CNTN5: variants seen among roughly 807,000 people sequenced by gnomAD.
The protein encoded by CNTN5 is contactin 5, also known as contactin-5.
A neutral mutation model predicts 129.1 loss-of-function variants in CNTN5; 77 were observed. The ratio of observed to expected loss-of-function variants is 0.60; its 90% CI spans 0.50 to 0.72. The LOEUF (loss-of-function observed/expected upper bound fraction) is 0.72. Among genes scored for constraint, CNTN5 ranks in the 30% least tolerant of loss-of-function variants. The probability of loss-of-function intolerance (pLI) is 0.00; values close to 1 mark genes in which losing one functional copy is unlikely to be tolerated. For synonymous variants in CNTN5, 509 were observed against 465.6 expected (o/e 1.09, Z -1.20); for missense variants, 1,478 against 1,328.8 (o/e 1.11, Z -1.75).
intron 2 of CNTN5, among the ~76,000 whole-genome samples, chr11:99,439,902 T>C (rs777278457): frequency 1.3e-5 from 2 of 152,092 alleles, no homozygotes; most frequent in Non-Finnish European, 2.9e-5. Context: ...ATTTAAAATA[T>C]ACATAAAACA....
chr11:99,474,178 A>G (rs1220980132), intron 2 of CNTN5, among the ~76,000 whole-genome samples: 2 of 151,816 alleles, frequency 1.3e-5, no homozygotes, highest in African/African-American at 4.8e-5. Context: ...TATATAAAAA[A>G]TACTGTATTG....
At chr11:99,569,833 T>C (rs7933077) in intron 3 of CNTN5, among the ~76,000 whole-genome samples, 3 of 152,052 alleles carry the variant, frequency 2.0e-5, no homozygotes, top group African/African-American at 7.3e-5. Context: ...AATTTTACAT[T>C]CTCCAAATCT....
At chr11:99,657,397 C>T (rs649045) in intron 3 of CNTN5, among the ~76,000 whole-genome samples, 147,987 of 152,124 alleles carry the variant, frequency 0.97, 72,112 homozygotes, top group East Asian at 1. Context: ...GTCTAAGGAC[C>T]GGAAGTACAC....
chr11:99,768,365 A>G (rs1185853428), intron 3 of CNTN5, among the ~76,000 whole-genome samples: 1 of 152,128 alleles, frequency 6.6e-6, no homozygotes, highest in Non-Finnish European at 1.5e-5. Flanking sequence ...ACATCGTCCT[A>G]TATCTCCTAC....
At chr11:99,746,044 T>A (rs1944045774) in intron 3 of CNTN5, among the ~76,000 whole-genome samples, 1 of 152,206 alleles carries the variant, frequency 6.6e-6, no homozygotes, top group Non-Finnish European at 1.5e-5. Context: ...TTGGCTCTTT[T>A]AAGATCAGAT....
chr11:99,381,503 C>T (rs1940559397), intron 2 of CNTN5, among the ~76,000 whole-genome samples: 1 of 151,918 alleles, frequency 6.6e-6, no homozygotes, highest in South Asian at 2.1e-4. Flanking sequence ...GCCTTATAAG[C>T]CATGTTAAGA....
intron 21 of CNTN5, chr11:100,337,023 C>T (rs1022405021): frequency 5.7e-6 from 5 of 882,706 alleles, no homozygotes; most frequent in Non-Finnish European, 9.6e-6. Flanking sequence ...TGCTTTCTGC[C>T]ACTTTGATTG....
intron 13 of CNTN5, among the ~76,000 whole-genome samples, chr11:100,078,819 G>A (rs1314787908): frequency 1.3e-5 from 2 of 151,986 alleles, no homozygotes; most frequent in Admixed American, 1.3e-4. Flanking sequence ...TGGTGGTGGT[G>A]GTAATGGTGA....
At chr11:99,523,663 T>G (rs10750311) in intron 2 of CNTN5, among the ~76,000 whole-genome samples, 2 of 132,670 alleles carry the variant, frequency 1.5e-5, no homozygotes, top group African/African-American at 2.8e-5. Context: ...ACAGAACAGA[T>G]CAGAACAGAA....
chr11:99,581,755 C>G (rs1402118191), intron 3 of CNTN5, among the ~76,000 whole-genome samples: 1 of 152,158 alleles, frequency 6.6e-6, no homozygotes, highest in Admixed American at 6.5e-5. Flanking sequence ...TTCCTGAATA[C>G]AGCACACTGT....
chr11:99,125,471 T>G (rs552569963), intron 1 of CNTN5, among the ~76,000 whole-genome samples: 8 of 152,200 alleles, frequency 5.3e-5, no homozygotes, highest in African/African-American at 1.9e-4. Flanking sequence ...ATAAGAGCCA[T>G]CTATGACAAA....
intron 2 of CNTN5, among the ~76,000 whole-genome samples, chr11:99,439,575 G>C (rs1430858632): frequency 6.6e-6 from 1 of 151,700 alleles, no homozygotes; most frequent in Non-Finnish European, 1.5e-5. Context: ...TGGCGTGGTG[G>C]TGTGCACCTG....
At chr11:99,915,619 GT>G (rs1949768097) in intron 6 of CNTN5, among the ~76,000 whole-genome samples, 1 of 152,118 alleles carries the variant, frequency 6.6e-6, no homozygotes, top group African/African-American at 2.4e-5. Context: ...CTCATGCTTG[GT>G]TTTACACATC....
At chr11:99,842,551 T>C (rs1947544290) in intron 4 of CNTN5, among the ~76,000 whole-genome samples, 1 of 152,214 alleles carries the variant, frequency 6.6e-6, no homozygotes, top group Non-Finnish European at 1.5e-5. Flanking sequence ...CTTACATGTG[T>C]CCAACTCTAA....
intron 3 of CNTN5, among the ~76,000 whole-genome samples, chr11:99,786,868 G>A (rs1432969266): frequency 6.6e-6 from 1 of 152,140 alleles, no homozygotes; most frequent in African/African-American, 2.4e-5. Flanking sequence ...ATGGATTAGA[G>A]ATTTAAACGT....
At chr11:99,121,751 A>G (rs539890333) in intron 1 of CNTN5, among the ~76,000 whole-genome samples, 88 of 152,300 alleles carry the variant, frequency 5.8e-4, no homozygotes, top group African/African-American at 2.1e-3. Context: ...TTTCAATATT[A>G]ATATCTAATG....
chr11:99,245,048 AATGT>A (rs1861747597), intron 1 of CNTN5, among the ~76,000 whole-genome samples: 1 of 152,234 alleles, frequency 6.6e-6, no homozygotes, highest in Non-Finnish European at 1.5e-5. Flanking sequence ...TTATCAAAGT[AATGT>A]TTTTGTGATA....
At chr11:99,023,472 G>A (rs1191920296) in intron 1 of CNTN5, among the ~76,000 whole-genome samples, 1 of 152,148 alleles carries the variant, frequency 6.6e-6, no homozygotes, top group Admixed American at 6.5e-5. Context: ...GCCCGCATAG[G>A]CTGGCCAAAG....
intron 7 of CNTN5, among the ~76,000 whole-genome samples, chr11:99,935,372 G>GT (rs1478520114): frequency 1.3e-5 from 2 of 151,622 alleles, no homozygotes; most frequent in African/African-American, 2.4e-5. Flanking sequence ...TAGAGATTAG[G>GT]TTTTTTTCAC....
Sources: gnomAD v4.1 joint callset for allele counts (sites outside exome capture counted in the v4.1 genomes callset) on GRCh38, gnomAD v4.1.1 for gene constraint, MANE v1.5 for transcripts, NCBI Gene and HGNC (gene_info 2026-07-23, HGNC 2026-07-21) for gene names.